The following FHIT variants were observed in gnomAD, a reference collection of about 807,000 sequenced individuals.
FHIT encodes the protein fragile histidine triad diadenosine triphosphatase, also known as bis(5'-adenosyl)-triphosphatase.
In FHIT, 19 loss-of-function variants were observed where a neutral mutation model predicts 17.9. That is an observed-to-expected ratio of 1.06 (90% CI 0.74 to 1.56). FHIT has a LOEUF of 1.56. Among genes scored for constraint, FHIT ranks in the 40% most tolerant of loss-of-function variants. The pLI, the probability that FHIT is intolerant of heterozygous loss-of-function variation, is 0.00. For missense variants in FHIT, 248 were observed against 189.2 expected (o/e 1.31, Z -1.82); for synonymous variants, 81 against 69.7 (o/e 1.16, Z -0.81).
intron 7 of FHIT, among the ~76,000 whole-genome samples, chr3:60,000,654 T>A (rs1368021499): frequency 6.8e-6 from 1 of 148,012 alleles, no homozygotes; most frequent in African/African-American, 2.5e-5. Context: ...TGAGAGAAAA[T>A]CCTTCAAGTC....
At position 61,009,387 on chromosome 3, in the gene FHIT, T is replaced by C. The variant is rs1409687260; in HGVS notation, c.-111+32660A>G. ...TAAAGTGCTTTCCTCCACTACCATATATGAAATTTGATCTTAAGAAATAGG... is the reference window on the plus strand; with the variant it reads ...TAAAGTGCTTTCCTCCACTACCATACATGAAATTTGATCTTAAGAAATAGG... On this transcript the variant is annotated intron_variant, in intron 3 of 9. Coordinates refer to ENST00000492590, the MANE Select transcript of FHIT (RefSeq NM_002012.4). 2.0e-5 allele frequency among the ~76,000 whole-genome samples: 3 copies of C among 152,318 alleles called. No individual in the cohort carries two copies. In the East Asian group the frequency reaches 5.8e-4, roughly 29 times the overall value.
At chr3:59,970,309 G>T (rs1286449308) in intron 7 of FHIT, among the ~76,000 whole-genome samples, 1 of 152,070 alleles carries the variant, frequency 6.6e-6, no homozygotes, top group Non-Finnish European at 1.5e-5. Context: ...TTCTTCCCTT[G>T]AAGACAAAAC....
At chr3:60,054,763 T>C (rs1702015033) in intron 5 of FHIT, among the ~76,000 whole-genome samples, 1 of 152,184 alleles carries the variant, frequency 6.6e-6, no homozygotes, top group South Asian at 2.1e-4. Flanking sequence ...GTGTTGGTGG[T>C]GGTGGTTACT....
chr3:59,819,415 T>G (rs915121063), intron 8 of FHIT, among the ~76,000 whole-genome samples: 1 of 152,224 alleles, frequency 6.6e-6, no homozygotes, highest in Non-Finnish European at 1.5e-5. Context: ...GTACTTCATA[T>G]TGCTTTGTGG....
At chr3:60,319,781 C>T (rs1447547057) in intron 5 of FHIT, among the ~76,000 whole-genome samples, 1 of 152,274 alleles carries the variant, frequency 6.6e-6, no homozygotes, top group Non-Finnish European at 1.5e-5. Context: ...ACTGTAATTA[C>T]CATAGTTCGT....
intron 5 of FHIT, among the ~76,000 whole-genome samples, chr3:60,258,379 G>T (rs1706126923): frequency 6.6e-6 from 1 of 151,940 alleles, no homozygotes. Flanking sequence ...TAAAACTCCA[G>T]GCCCACTTCC....
intron 8 of FHIT, among the ~76,000 whole-genome samples, chr3:59,898,332 A>G (rs1442141756): frequency 6.6e-6 from 1 of 152,064 alleles, no homozygotes; most frequent in African/African-American, 2.4e-5. Context: ...AAATCTGACA[A>G]CTGAACCACT....
At chr3:60,865,186 TTCTG>T (rs1212839709) in intron 3 of FHIT, among the ~76,000 whole-genome samples, 2 of 152,196 alleles carry the variant, frequency 1.3e-5, no homozygotes, top group Non-Finnish European at 2.9e-5. Context: ...ATTCTCCCAT[TTCTG>T]TCTGACGTTG....
intron 8 of FHIT, among the ~76,000 whole-genome samples, chr3:59,784,781 T>C (rs1267480742): frequency 2.0e-5 from 3 of 152,212 alleles, no homozygotes; most frequent in Non-Finnish European, 2.9e-5. Flanking sequence ...GGCTCCAACA[T>C]AGAATCTAGT....
intron 5 of FHIT, among the ~76,000 whole-genome samples, chr3:60,237,081 T>G (rs1022641423): frequency 6.6e-6 from 1 of 152,132 alleles, no homozygotes; most frequent in African/African-American, 2.4e-5. Flanking sequence ...TAAAATATAT[T>G]GATACTCCAT....
chr3:60,990,264 G>A (rs1322351221), intron 3 of FHIT, among the ~76,000 whole-genome samples: 2 of 152,146 alleles, frequency 1.3e-5, no homozygotes, highest in Non-Finnish European at 2.9e-5. Context: ...AGAGAGTGGC[G>A]AATGCGATAT....
At chr3:59,764,863 A>AACACAC (rs57549363) in intron 8 of FHIT, among the ~76,000 whole-genome samples, 27 of 145,688 alleles carry the variant, frequency 1.9e-4, no homozygotes, top group African/African-American at 6.9e-4. Flanking sequence ...GGCAACTGCA[A>AACACAC]ACACACACAC....
At chr3:59,755,104 A>T (rs1701142437) in intron 8 of FHIT, among the ~76,000 whole-genome samples, 1 of 152,142 alleles carries the variant, frequency 6.6e-6, no homozygotes, top group South Asian at 2.1e-4. Flanking sequence ...ACATATAGAA[A>T]GAATCCGCTT....
chr3:59,804,155 T>C (rs1324492932), intron 8 of FHIT, among the ~76,000 whole-genome samples: 2 of 152,250 alleles, frequency 1.3e-5, no homozygotes, highest in Non-Finnish European at 2.9e-5. Flanking sequence ...CATCAGGTTA[T>C]GTCCTTGTCT....
intron 5 of FHIT, among the ~76,000 whole-genome samples, chr3:60,268,799 G>A (rs1706716544): frequency 6.6e-6 from 1 of 152,086 alleles, no homozygotes; most frequent in African/African-American, 2.4e-5. Context: ...TGCAGATGAT[G>A]AAGGTTGCTA....
intron 2 of FHIT, among the ~76,000 whole-genome samples, chr3:61,105,355 C>T (rs1347451902): frequency 6.6e-6 from 1 of 152,080 alleles, no homozygotes; most frequent in Non-Finnish European, 1.5e-5. Flanking sequence ...CAGCTTCCAA[C>T]TCATGGACTG....
At chr3:59,815,108 G>C (rs1211929795) in intron 8 of FHIT, among the ~76,000 whole-genome samples, 1 of 152,166 alleles carries the variant, frequency 6.6e-6, no homozygotes, top group Admixed American at 6.5e-5. Context: ...GAAATTAAGA[G>C]TTGGCCCATC....
intron 5 of FHIT, among the ~76,000 whole-genome samples, chr3:60,446,528 T>C (rs1280112947): frequency 3.3e-5 from 5 of 152,110 alleles, no homozygotes; most frequent in African/African-American, 1.2e-4. Context: ...CATTCGTGGA[T>C]GTGCAACTCT....
intron 7 of FHIT, among the ~76,000 whole-genome samples, chr3:59,982,690 C>G (rs2107438607): frequency 6.6e-6 from 1 of 152,224 alleles, no homozygotes; most frequent in Admixed American, 6.5e-5. Flanking sequence ...TTGTGGCTAA[C>G]TACAAATGTG....
Sources: gnomAD v4.1 joint callset for allele counts (sites outside exome capture counted in the v4.1 genomes callset) on GRCh38, gnomAD v4.1.1 for gene constraint, MANE v1.5 for transcripts, NCBI Gene and HGNC (gene_info 2026-07-23, HGNC 2026-07-21) for gene names.